SH3PXD2A: variants seen among roughly 807,000 people sequenced by gnomAD.
SH3PXD2A encodes SH3 and PX domain-containing protein 2A.
A neutral mutation model predicts 115.2 loss-of-function variants in SH3PXD2A; 32 were observed. The ratio of observed to expected loss-of-function variants is 0.28; its 90% CI spans 0.21 to 0.37. The LOEUF is 0.37. Ranked by LOEUF, SH3PXD2A falls within the 10% of genes least tolerant of loss-of-function variation. The pLI, the probability that SH3PXD2A is intolerant of heterozygous loss-of-function variation, is 1.00. For synonymous variants in SH3PXD2A, 610 were observed against 629.1 expected (o/e 0.97, Z 0.45); for missense variants, 1,328 against 1,498.7 (o/e 0.89, Z 1.88).
chr10:103,654,267 C>G (rs1172398601), intron 8 of SH3PXD2A, among the ~76,000 whole-genome samples: 1 of 152,196 alleles, frequency 6.6e-6, no homozygotes, highest in Non-Finnish European at 1.5e-5. Flanking sequence ...ACTGCCCAAG[C>G]AAGAACTCCA....
At chr10:103,667,871 G>A (rs1210728905) in intron 7 of SH3PXD2A, among the ~76,000 whole-genome samples, 1 of 152,208 alleles carries the variant, frequency 6.6e-6, no homozygotes, top group African/African-American at 2.4e-5. Flanking sequence ...GAACCCTGCT[G>A]TCCGGGATTC....
intron 3 of SH3PXD2A, among the ~76,000 whole-genome samples, chr10:103,738,607 C>G (rs1455412776): frequency 6.6e-6 from 1 of 152,176 alleles, no homozygotes; most frequent in Non-Finnish European, 1.5e-5. Flanking sequence ...GGCCCACAAA[C>G]CTGCATGGAG....
At chr10:103,679,466 G>A (rs1013923687) in intron 6 of SH3PXD2A, among the ~76,000 whole-genome samples, 6 of 152,206 alleles carry the variant, frequency 3.9e-5, no homozygotes, top group African/African-American at 1.4e-4. Context: ...CCCTCCCTGC[G>A]CCCCAGGAGA....
At chr10:103,628,896 T>G (rs75570289) in intron 8 of SH3PXD2A, among the ~76,000 whole-genome samples, 3,933 of 152,296 alleles carry the variant, frequency 0.026, 174 homozygotes, top group African/African-American at 0.088. Context: ...GATTGCCCAC[T>G]TCTCAGACTG....
Position 103,602,123 on chromosome 10 carries a change from A to G in SH3PXD2A, c.3095T>C (p.Leu1032Pro). Reference sequence around the variant, plus strand: ...ACCCTGGCTGGCAGCCCGTTCGGCCAGGCGGCCCTTGGCCTCGGCGGCAGC... The same window carrying G: ...ACCCTGGCTGGCAGCCCGTTCGGCCGGGCGGCCCTTGGCCTCGGCGGCAGC... ...RSAAAEAKGR[L>P]AERAASQGSD... The change falls in exon 15 of 15, where the codon CTG becomes CCG. Residue 1032 changes from leucine to proline, a missense_variant. Physicochemically the swap from Leu to Pro is moderately conservative, Grantham distance 98. Transcript: ENST00000369774. 1 of 1,586,308 alleles carries G rather than the reference A, an allele frequency of 6.3e-7. No individual in the cohort carries two copies. The highest frequency in any genetic ancestry group is 8.6e-7 in the Non-Finnish European group (1 of 1,163,932).
At chr10:103,826,526 G>C (rs1357804703) in intron 1 of SH3PXD2A, among the ~76,000 whole-genome samples, 1 of 152,210 alleles carries the variant, frequency 6.6e-6, no homozygotes, top group African/African-American at 2.4e-5. Context: ...TCCTGCAGGT[G>C]ATCAAACAGC....
At chr10:103,669,668 C>A (rs1473864630) in intron 6 of SH3PXD2A, among the ~76,000 whole-genome samples, 2 of 152,240 alleles carry the variant, frequency 1.3e-5, no homozygotes, top group Admixed American at 1.3e-4. Flanking sequence ...CATCCCCAGG[C>A]TGCTGCTTTC....
intron 6 of SH3PXD2A, among the ~76,000 whole-genome samples, chr10:103,674,326 C>G (rs1466003985): frequency 1.3e-5 from 2 of 152,156 alleles, no homozygotes; most frequent in African/African-American, 4.8e-5. Flanking sequence ...AGGCACACAG[C>G]AACTCATATC....
intron 8 of SH3PXD2A, among the ~76,000 whole-genome samples, chr10:103,632,745 G>A (rs554878392): frequency 7.2e-5 from 11 of 152,306 alleles, no homozygotes; most frequent in African/African-American, 2.4e-4. Context: ...GGAGGCCAAG[G>A]TGGGCAGATC....
Position 103,595,225 on chromosome 10 carries a change from T to A in SH3PXD2A, c.*6591A>T, listed in dbSNP as rs4918029. 1 of 152,124 alleles carries A rather than the reference T, an allele frequency of 6.6e-6. No homozygotes were observed. Among genetic ancestry groups the A allele is most frequent in the African/African-American group, 2.4e-5 (1 of 41,412 alleles). 9.4% of individuals were successfully genotyped at this position (152,124 alleles called of 1,614,324 possible). On this transcript the variant is annotated 3_prime_UTR_variant, in exon 15 of 15. Coordinates refer to ENST00000369774, the MANE Select transcript of SH3PXD2A (RefSeq NM_001394015.1). ...TGAGTGGCAGTTTTTTCCTAGCCAG[T>A]TTCTGTGGCCAAATTTGGAGGATTT...
chr10:103,723,883 C>G lies in SH3PXD2A; in HGVS notation c.398+387G>C, dbSNP rs554477675. Among the ~76,000 whole-genome samples the G allele has an allele frequency of 1.5e-3, 224 of 152,332 alleles. 1 individual carries two copies. The highest frequency in any genetic ancestry group is 5.2e-3 in the African/African-American group (218 of 41,572). On this transcript the variant is annotated intron_variant, in intron 5 of 14. Coordinates refer to ENST00000369774, the MANE Select transcript of SH3PXD2A (RefSeq NM_001394015.1). ...GAGTTTTCATCCTGGGCAGTGCACA[C>G]TGGGACCTCTGCAGCCATAACAGCG...
At chr10:103,740,656 C>G (rs2134191247) in intron 3 of SH3PXD2A, among the ~76,000 whole-genome samples, 1 of 152,338 alleles carries the variant, frequency 6.6e-6, no homozygotes, top group Middle Eastern at 3.4e-3. Context: ...GCCTCGGGAC[C>G]TCTTCTGGTC....
intron 1 of SH3PXD2A, among the ~76,000 whole-genome samples, chr10:103,850,268 T>A (rs1048160346): frequency 2.0e-5 from 3 of 152,148 alleles, no homozygotes; most frequent in African/African-American, 7.2e-5. Flanking sequence ...CATGGTAATT[T>A]CTACCCTGGT....
intron 1 of SH3PXD2A, among the ~76,000 whole-genome samples, chr10:103,816,499 G>A (rs767053116): frequency 2.6e-5 from 4 of 152,174 alleles, no homozygotes; most frequent in Admixed American, 6.5e-5. Context: ...CAAACTCGCA[G>A]ATAATAAGTG....
chr10:103,783,327 C>T (rs533801086), intron 2 of SH3PXD2A, among the ~76,000 whole-genome samples: 6 of 152,230 alleles, frequency 3.9e-5, no homozygotes, highest in South Asian at 2.1e-4. Flanking sequence ...AGGAGGTGAC[C>T]GTGAGAATGT....
At chr10:103,629,356 C>T (rs534282557) in intron 8 of SH3PXD2A, among the ~76,000 whole-genome samples, 1 of 152,380 alleles carries the variant, frequency 6.6e-6, no homozygotes, top group African/African-American at 2.4e-5. Context: ...AATTTATCAT[C>T]ATTTCCCTGG....
chr10:103,740,326 T>C (rs1391452285), intron 3 of SH3PXD2A, among the ~76,000 whole-genome samples: 1 of 152,106 alleles, frequency 6.6e-6, no homozygotes, highest in African/African-American at 2.4e-5. Context: ...GGAGCCATGA[T>C]CTTTGCACTT....
chr10:103,608,150 T>TAAAAAAAAAAAAAAAAAAGATTACA (rs1554903068), intron 13 of SH3PXD2A, among the ~76,000 whole-genome samples: 1 of 32,670 alleles, frequency 3.1e-5, no homozygotes, highest in Non-Finnish European at 4.5e-5. Flanking sequence ...ATGATCAATT[T>TAAAAAAAAAAAAAAAAAAGATTACA]AAAAAAAAAA....
chr10:103,609,754 A>C (rs2036396672), intron 13 of SH3PXD2A: 1 of 152,200 alleles, frequency 6.6e-6, no homozygotes, highest in Admixed American at 6.5e-5. Context: ...TCCCTCATGC[A>C]AAGGGGTTCA....
Sources: allele counts gnomAD v4.1 joint callset (sites outside exome capture counted in the v4.1 genomes callset), GRCh38; gene constraint gnomAD v4.1.1; transcripts MANE v1.5; gene names NCBI Gene and HGNC (gene_info 2026-07-23, HGNC 2026-07-21).